The following MYT1L variants were observed in gnomAD, a reference collection of about 807,000 sequenced individuals.
MYT1L encodes the protein myelin transcription factor 1-like protein.
Under a neutral mutation model 126.7 loss-of-function variants are expected in MYT1L, and 12 were observed. The observed-to-expected ratio is 0.09, with a 90% CI of 0.06 to 0.15. MYT1L has a LOEUF of 0.15. MYT1L is among the 10% of genes least tolerant of loss of function. MYT1L has a pLI of 1.00. For synonymous variants in MYT1L, 541 were observed against 604.2 expected (o/e 0.90, Z 1.53); for missense variants, 979 against 1,585.2 (o/e 0.62, Z 6.49).
At chr2:2,052,876 T>A (rs1380236339) in intron 4 of MYT1L, among the ~76,000 whole-genome samples, 1 of 152,184 alleles carries the variant, frequency 6.6e-6, no homozygotes, top group Non-Finnish European at 1.5e-5. Flanking sequence ...AAGAGTGGCA[T>A]TTCCTGAACA....
intron 3 of MYT1L, among the ~76,000 whole-genome samples, chr2:2,060,122 T>G (rs957082283): frequency 6.6e-6 from 1 of 152,194 alleles, no homozygotes; most frequent in Non-Finnish European, 1.5e-5. Flanking sequence ...CCACAACACC[T>G]GGGCACATCA....
At chr2:1,829,736 C>T (rs1320081579) in intron 21 of MYT1L, among the ~76,000 whole-genome samples, 2 of 129,540 alleles carry the variant, frequency 1.5e-5, no homozygotes, top group Non-Finnish European at 3.1e-5. Flanking sequence ...AATTGACCTT[C>T]CCATACACCT....
Position 1,887,721 on chromosome 2 carries a change from G to T in MYT1L, c.2521-112C>A. ...TCTACATCTTACACCTCTTTCTGCTGTACCTTTAAGATCCTTTTGGTCCTG... is the reference window on the plus strand; with the variant it reads ...TCTACATCTTACACCTCTTTCTGCTTTACCTTTAAGATCCTTTTGGTCCTG... On this transcript the variant is annotated intron_variant, in intron 16 of 24. Transcript: ENST00000647738. This position sits in a 1 kb window ranked among gnomAD's most constrained non-coding sequence, Gnocchi z 4.8. The T allele has an allele frequency of 7.9e-7, 1 of 1,267,376 alleles. No homozygotes were observed. Among genetic ancestry groups the T allele is most frequent in the Non-Finnish European group, 1.1e-6 (1 of 894,280 alleles). The allele number at this position is 1,267,376 out of a possible 1,614,324, so 78.5% of individuals were successfully genotyped here.
chr2:2,019,994 G>A (rs1168262166), intron 4 of MYT1L, among the ~76,000 whole-genome samples: 5 of 152,090 alleles, frequency 3.3e-5, no homozygotes, highest in African/African-American at 7.2e-5. Context: ...ACAGGTGTGC[G>A]CCACTGCACC....
At chr2:2,293,413 A>T (rs2095628086) in intron 1 of MYT1L, among the ~76,000 whole-genome samples, 1 of 152,168 alleles carries the variant, frequency 6.6e-6, no homozygotes, top group Non-Finnish European at 1.5e-5. Flanking sequence ...CCCCACGCTG[A>T]CTGTGCTCCT....
At chr2:1,857,875 T>C (rs576135488) in intron 18 of MYT1L, among the ~76,000 whole-genome samples, 6 of 148,498 alleles carry the variant, frequency 4.0e-5, no homozygotes, top group African/African-American at 1.5e-4. Flanking sequence ...TTTTTTTTTT[T>C]AATTTGAGAC....
At chr2:2,070,904 A>G (rs971355986) in intron 3 of MYT1L, among the ~76,000 whole-genome samples, 3 of 152,208 alleles carry the variant, frequency 2.0e-5, no homozygotes, top group Admixed American at 1.3e-4. Flanking sequence ...CTGCATTCCT[A>G]ATGACCTATT....
chr2:2,255,058 G>A (rs2094769565), intron 2 of MYT1L, among the ~76,000 whole-genome samples: 1 of 152,136 alleles, frequency 6.6e-6, no homozygotes, highest in Non-Finnish European at 1.5e-5. Context: ...ACATGTGAAT[G>A]TTTAATAGTT....
intron 2 of MYT1L, among the ~76,000 whole-genome samples, chr2:2,272,922 C>T (rs1400596623): frequency 6.6e-6 from 1 of 152,144 alleles, no homozygotes; most frequent in Admixed American, 6.5e-5. Flanking sequence ...ACCCCTGGTG[C>T]CCCAGCTTCT....
At position 2,180,037 on chromosome 2, in the gene MYT1L, A is replaced by G. The variant is rs117145682; in HGVS notation, c.-420-7049T>C. On this transcript the variant is annotated intron_variant, in intron 2 of 24. Transcript: ENST00000647738. ...CACACACTGTTTCACACAGCCAGCC[A>G]GTGATTCCACTGTTTGCCCACTTCT... is the stretch of plus-strand genomic sequence containing the variant. 1.1e-3 allele frequency among the ~76,000 whole-genome samples: 172 copies of G among 152,300 alleles called. 1 individual carries two copies. In the East Asian group the frequency reaches 0.029, roughly 25 times the overall value.
At chr2:1,914,469 C>T (rs934697983) in intron 11 of MYT1L, among the ~76,000 whole-genome samples, 1 of 152,094 alleles carries the variant, frequency 6.6e-6, no homozygotes, top group Admixed American at 6.5e-5. Flanking sequence ...TGCTTTATGC[C>T]TCCTCCCTAA....
At chr2:1,816,832 T>A (rs557088428) in intron 21 of MYT1L, 1 of 152,768 alleles carries the variant, frequency 6.5e-6, no homozygotes, top group African/African-American at 2.4e-5. Context: ...ACTGCCCGGC[T>A]GGGGGCCTGG....
At chr2:2,189,193 C>T (rs893434979) in intron 2 of MYT1L, among the ~76,000 whole-genome samples, 1 of 152,196 alleles carries the variant, frequency 6.6e-6, no homozygotes, top group Admixed American at 6.5e-5. Flanking sequence ...GAACTCCTGG[C>T]CATGCCGCCA....
intron 9 of MYT1L, among the ~76,000 whole-genome samples, chr2:1,936,761 T>C (rs915491379): frequency 6.6e-6 from 1 of 152,128 alleles, no homozygotes; most frequent in African/African-American, 2.4e-5. Context: ...ATATGGAGAA[T>C]GGTGTCCTGC....
chr2:1,967,836 C>T (rs1490420337), intron 8 of MYT1L, among the ~76,000 whole-genome samples: 1 of 152,132 alleles, frequency 6.6e-6, no homozygotes, highest in African/African-American at 2.4e-5. Context: ...TGGGACGTTG[C>T]TGTTATTACC....
intron 3 of MYT1L, among the ~76,000 whole-genome samples, chr2:2,057,597 T>C (rs2069774825): frequency 6.6e-6 from 1 of 152,168 alleles, no homozygotes; most frequent in African/African-American, 2.4e-5. Flanking sequence ...CCATATTCCT[T>C]CCCTTTCAGA....
chr2:2,279,909 A>G (rs746191090), intron 2 of MYT1L, among the ~76,000 whole-genome samples: 5 of 152,246 alleles, frequency 3.3e-5, no homozygotes, highest in African/African-American at 4.8e-5. Flanking sequence ...TTATCTATTT[A>G]AGAAGCAGGA....
intron 18 of MYT1L, among the ~76,000 whole-genome samples, chr2:1,863,552 G>A (rs2045001507): frequency 7.3e-6 from 1 of 137,594 alleles, no homozygotes; most frequent in East Asian, 1.9e-4. Flanking sequence ...GTACTGTCCC[G>A]CGCCAGCCCG....
chr2:2,278,144 T>C (rs962142008), intron 2 of MYT1L, among the ~76,000 whole-genome samples: 11 of 152,252 alleles, frequency 7.2e-5, no homozygotes. Flanking sequence ...GTAGTGGCCA[T>C]ATTTGTGCTG....
Sources: allele counts gnomAD v4.1 joint callset (sites outside exome capture counted in the v4.1 genomes callset), GRCh38; gene constraint gnomAD v4.1.1; non-coding constraint Gnocchi (gnomAD v3.1); transcripts MANE v1.5; gene names NCBI Gene and HGNC (gene_info 2026-07-23, HGNC 2026-07-21).